BUB3: variants seen among roughly 807,000 people sequenced by gnomAD.
The protein encoded by BUB3 is BUB3 mitotic checkpoint protein.
A neutral mutation model predicts 39.9 loss-of-function variants in BUB3; 22 were observed. The ratio of observed to expected loss-of-function variants is 0.55; its 90% CI spans 0.39 to 0.79. The LOEUF (loss-of-function observed/expected upper bound fraction) is 0.79, where lower values mean the gene tolerates loss of function less well. BUB3 is among the 30% of genes least tolerant of loss of function. The pLI is 0.00. For missense variants in BUB3, 303 were observed against 415.4 expected, an observed-to-expected ratio of 0.73 and a Z score of 2.35; for synonymous variants, 168 against 155.1, an observed-to-expected ratio of 1.08 and a Z score of -0.62.
rs1844473063 is a variant in BUB3 at position 123,165,119 on chromosome 10, T to G, written c.*1284T>G. The G allele has an allele frequency of 2.6e-6, 4 of 1,535,512 alleles. No individual in the cohort carries two copies. In the East Asian group the frequency reaches 9.0e-5, roughly 35 times the overall value. On this transcript the variant is annotated 3_prime_UTR_variant, in exon 8 of 8. Transcript: ENST00000368865. Reference sequence around the variant, plus strand: ...TTTGCTTCCTACAAATACATGCTTATTCCTTAAGGGATGTGTTAGAGTTAC... The same window carrying G: ...TTTGCTTCCTACAAATACATGCTTAGTCCTTAAGGGATGTGTTAGAGTTAC...
intron 7 of BUB3, 181 bp downstream of exon 7, chr10:123,163,009 A>G: frequency 1.6e-6 from 1 of 609,866 alleles, no homozygotes; most frequent in Non-Finnish European, 2.8e-6. Context: ...TAGACGTCTG[A>G]TGGATAAAAT....
chr10:123,157,922 G>C (rs1239897457), intron 4 of BUB3, 42 bp downstream of exon 4: 3 of 1,560,408 alleles, frequency 1.9e-6, no homozygotes, highest in Non-Finnish European at 2.6e-6. Context: ...TGGTTTTGGG[G>C]TGATTTTTGT....
At chr10:123,160,971 C>T (rs1434782445) in intron 5 of BUB3, among the ~76,000 whole-genome samples, 1 of 151,924 alleles carries the variant, frequency 6.6e-6, no homozygotes, top group African/African-American at 2.4e-5. Flanking sequence ...TTTCTTTTTG[C>T]CTTTTTGTAA....
At chr10:123,163,329 G>C (rs1844449162) in intron 7 of BUB3, 1 of 163,092 alleles carries the variant, frequency 6.1e-6, no homozygotes, top group Admixed American at 6.5e-5. Context: ...AATTTTCATA[G>C]ATGTCTTTGG....
intron 5 of BUB3, 43 bp from the exon 6 acceptor site, chr10:123,162,193 A>C (rs769797497): frequency 1.3e-6 from 2 of 1,571,938 alleles, no homozygotes; most frequent in Non-Finnish European, 1.7e-6. Flanking sequence ...TGTTTTTGGA[A>C]GCTGGAATTT....
At chr10:123,159,905 GA>G (rs1053855336) in intron 4 of BUB3, among the ~76,000 whole-genome samples, 2 of 151,560 alleles carry the variant, frequency 1.3e-5, no homozygotes, top group South Asian at 4.2e-4. Context: ...AACAACTGGG[GA>G]AAAAAAATCA....
chr10:123,158,331 G>A (rs1023942477), intron 4 of BUB3, among the ~76,000 whole-genome samples: 1 of 152,146 alleles, frequency 6.6e-6, no homozygotes, highest in African/African-American at 2.4e-5. Flanking sequence ...TAAGAAAGGT[G>A]TTTTATGTTC....
intron 2 of BUB3, 121 bp from the exon 3 acceptor site, chr10:123,155,537 C>T: frequency 1.1e-6 from 1 of 905,526 alleles, no homozygotes; most frequent in Non-Finnish European, 1.7e-6. Context: ...GGTTTGTTTA[C>T]CATGAATAGT....
intron 5 of BUB3, among the ~76,000 whole-genome samples, chr10:123,160,798 C>T (rs926940481): frequency 4.6e-5 from 7 of 152,196 alleles, no homozygotes; most frequent in African/African-American, 1.4e-4. Context: ...GTAATCTGCT[C>T]AGGAAGTGGT....
rs944129945 is a variant in BUB3, at chr10:123,169,375, A to C, written c.*5540A>C. The C allele has an allele frequency of 6.6e-6, 1 of 152,248 alleles. No individual in the cohort carries two copies. Among genetic ancestry groups the C allele is most frequent in the Non-Finnish European group, 1.5e-5 (1 of 68,038 alleles). The allele number at this position is 152,248 out of a possible 1,614,324, so 9.4% of individuals were successfully genotyped here. A position where few individuals can be genotyped will look rare whatever the true frequency, so the allele number is the denominator to read the frequency against. ...TTAGAATTTGATTATTTGAGCAACT[A>C]TTTAGTGCCTGTGATGTGCCAGCCA... is the stretch of plus-strand genomic sequence containing the variant. On this transcript the variant is annotated 3_prime_UTR_variant, in exon 8 of 8. Transcript: ENST00000368865.
intron 5 of BUB3, among the ~76,000 whole-genome samples, 178 bp downstream of exon 5, chr10:123,160,743 G>C (rs913448921): frequency 2.6e-5 from 4 of 151,830 alleles, no homozygotes; most frequent in Non-Finnish European, 5.9e-5. Flanking sequence ...CAGGAAGTGC[G>C]TTAACCCCCA....
rs543778311 is a variant in BUB3, at chr10:123,165,309, T to C, written c.*1474T>C. On this transcript the variant is annotated 3_prime_UTR_variant, in exon 8 of 8. Coordinates refer to ENST00000368865, the MANE Select transcript of BUB3 (RefSeq NM_004725.4). ...ATCTGAACAGTTTGAGCTCTTTTTG[T>C]AATATACTCTAAACCTGTTATTTCT... 64 of 413,116 alleles carry C rather than the reference T, an allele frequency of 1.5e-4. No homozygotes were observed. Among genetic ancestry groups the C allele is most frequent in the African/African-American group, 1.1e-3 (57 of 50,084 alleles). The allele number at this position is 413,116 out of a possible 1,614,324, so 25.6% of individuals were successfully genotyped here. A position where few individuals can be genotyped will look rare whatever the true frequency, so the allele number is the denominator to read the frequency against.
intron 4 of BUB3, among the ~76,000 whole-genome samples, chr10:123,158,849 CT>C (rs1442641038): frequency 6.6e-6 from 1 of 152,128 alleles, no homozygotes; most frequent in Non-Finnish European, 1.5e-5. Context: ...CATTATGTCA[CT>C]TTTTTTAATA....
At position 123,164,651 on chromosome 10, in the gene BUB3, A is replaced by G; in HGVS notation, c.*816A>G. The G allele has an allele frequency of 1.0e-6, 1 of 996,274 alleles. No homozygotes were observed. Among genetic ancestry groups the G allele is most frequent in the African/African-American group, 1.7e-5 (1 of 57,742 alleles). The allele number at this position is 996,274 out of a possible 1,614,324, so 61.7% of individuals were successfully genotyped here. A position where few individuals can be genotyped will look rare whatever the true frequency, so the allele number is the denominator to read the frequency against. ...TTTCTATCTCTAAATGAATTTTTGG[A>G]AACATTAATGAGGTTTACATATTTC... On this transcript the variant is annotated 3_prime_UTR_variant, in exon 8 of 8. Transcript: ENST00000368865.
At chr10:123,160,988 T>C (rs897447368) in intron 5 of BUB3, among the ~76,000 whole-genome samples, 9 of 152,200 alleles carry the variant, frequency 5.9e-5, no homozygotes, top group African/African-American at 2.2e-4. Context: ...GTAACCCTAA[T>C]GCTTATGGAG....
rs766074534 is a variant in BUB3, at chr10:123,162,227, T to A, written c.577-9T>A. 16 of 1,601,784 alleles carry A rather than the reference T, an allele frequency of 1.0e-5. No individual in the cohort carries two copies. The highest frequency in any genetic ancestry group is 1.8e-5 in the Admixed American group (1 of 56,084). ...TTACCATTTTTTTCCTCTGGTTCTC[T>A]CTTGGCAGGGTTATGTATTAAGCTC... On this transcript the variant is annotated splice_polypyrimidine_tract_variant and intron_variant, in intron 5 of 7. Transcript: ENST00000368865.
At chr10:123,155,187 A>G in intron 2 of BUB3, 75 bp downstream of exon 2, 1 of 1,497,692 alleles carries the variant, frequency 6.7e-7, no homozygotes, top group Non-Finnish European at 8.9e-7. Context: ...TTTCTTTTCC[A>G]GTGTTGGGTA....
intron 3 of BUB3, 151 bp downstream of exon 3, chr10:123,155,878 T>G: frequency 1.5e-6 from 1 of 675,684 alleles, no homozygotes; most frequent in Non-Finnish European, 2.6e-6. Flanking sequence ...ATTTAAATGA[T>G]AACCATTAAG....
chr10:123,162,696 C>T lies in BUB3; in HGVS notation c.839C>T (p.Ala280Val). The T allele has an allele frequency of 1.2e-6, 2 of 1,611,886 alleles. No homozygotes were observed. The highest frequency in any genetic ancestry group is 2.2e-5 in the East Asian group (1 of 44,864). Residue 280 changes from alanine (A) to valine (V), a missense_variant, in exon 7 of 8, where the codon GCA becomes GTA. By Grantham distance (64) the Ala-to-Val change is moderately conservative. Transcript: ENST00000368865. ...CQFHRYPTSI[A>V]SLAFSNDGTT... ...TTCCATCGGTACCCCACGAGCATCG[C>T]ATCACTTGCCTTCAGTAATGATGGG...
Sources: gnomAD v4.1 joint callset for allele counts (sites outside exome capture counted in the v4.1 genomes callset) on GRCh38, gnomAD v4.1.1 for gene constraint, MANE v1.5 for transcripts, NCBI Gene and HGNC (gene_info 2026-07-23, HGNC 2026-07-21) for gene names.